Variants in ZNF454 observed in about 807,000 individuals in gnomAD.
ZNF454 encodes the protein zinc finger protein 454.
In ZNF454, 30 loss-of-function variants were observed where a neutral mutation model predicts 48.2. The ratio of observed to expected loss-of-function variants is 0.62; its 90% CI spans 0.47 to 0.84. The LOEUF (loss-of-function observed/expected upper bound fraction) is 0.84, where lower values mean the gene tolerates loss of function less well. Ranked by LOEUF, ZNF454 falls within the 40% of genes least tolerant of loss-of-function variation. The pLI, the probability that ZNF454 is intolerant of heterozygous loss-of-function variation, is 0.00. For missense variants in ZNF454, 510 were observed against 623.1 expected (o/e 0.82, Z 1.93); for synonymous variants, 204 against 211.4 (o/e 0.97, Z 0.30).
intron 4 of ZNF454, among the ~76,000 whole-genome samples, chr5:178,955,945 C>T (rs1759730252): frequency 6.6e-6 from 1 of 152,134 alleles, no homozygotes; most frequent in African/African-American, 2.4e-5. Context: ...CTGTTTTGCT[C>T]CTGTGCCATG....
At chr5:178,956,775 G>A (rs11739784) in intron 4 of ZNF454, 52,491 of 169,200 alleles carry the variant, frequency 0.31, 8,326 homozygotes, top group Admixed American at 0.36. Context: ...GCACGATCTC[G>A]GCTCACTGCA....
chr5:178,952,130 C>A (rs973027183), intron 4 of ZNF454, among the ~76,000 whole-genome samples: 1 of 151,974 alleles, frequency 6.6e-6, no homozygotes, highest in East Asian at 1.9e-4. Context: ...CTCCTCCTCC[C>A]GGGTTCACGC....
At chr5:178,951,516 C>T (rs751564764) in intron 4 of ZNF454, among the ~76,000 whole-genome samples, 73 of 152,264 alleles carry the variant, frequency 4.8e-4, no homozygotes, top group Non-Finnish European at 8.2e-4. Context: ...TTTGCTTTGC[C>T]GTTGCGTGCT....
the ZNF454 span, chr5:178,989,287 G>A: frequency 0.75 from 1,200,299 of 1,610,862 alleles, 448,766 homozygotes; most frequent in Non-Finnish European, 0.76. Context: ...GGGTGGAATC[G>A]TCTGACTGGG....
chr5:178,941,368 C>T lies in ZNF454; in HGVS notation c.-184C>T, dbSNP rs540525641. On this transcript the variant is annotated 5_prime_UTR_variant, in exon 1 of 5. Transcript: ENST00000519564. This position sits in a 1 kb window ranked among gnomAD's most constrained non-coding sequence, Gnocchi z 5.5. ...TCGTGAGGTCGTCTGGGGAGAAGGG[C>T]GGAGGCAAAGCCGAGGAGGTGCGGG... 182 of 456,492 alleles carry T rather than the reference C, an allele frequency of 4.0e-4. No homozygotes were observed. The highest frequency in any genetic ancestry group is 3.4e-3 in the African/African-American group (170 of 50,184). The allele number at this position is 456,492 out of a possible 1,614,324, so 28.3% of individuals were successfully genotyped here. A position where few individuals can be genotyped will look rare whatever the true frequency, so the allele number is the denominator to read the frequency against.
the ZNF454 span, among the ~76,000 whole-genome samples, chr5:178,974,290 T>C: frequency 6.8e-6 from 1 of 146,472 alleles, no homozygotes; most frequent in African/African-American, 2.8e-5. Context: ...TTTCTAGTGG[T>C]TGTTGTGGTT....
the ZNF454 span, among the ~76,000 whole-genome samples, chr5:178,975,012 C>T: frequency 2.6e-5 from 4 of 152,168 alleles, no homozygotes; most frequent in East Asian, 7.7e-4. Flanking sequence ...AACGACACAT[C>T]AAAAGATGTT....
At chr5:178,973,333 T>C in the ZNF454 span, among the ~76,000 whole-genome samples, 4,308 of 152,292 alleles carry the variant, frequency 0.028, 94 homozygotes, top group Middle Eastern at 0.13. Flanking sequence ...ATAATTGCTA[T>C]AATAATGTAC....
At chr5:178,945,981 G>A (rs985259695) in intron 2 of ZNF454, among the ~76,000 whole-genome samples, 17 of 152,216 alleles carry the variant, frequency 1.1e-4, no homozygotes, top group African/African-American at 3.4e-4. Flanking sequence ...CTGAGCGAGC[G>A]GTGTTGAGTG....
the ZNF454 span, chr5:178,989,047 G>A: frequency 6.2e-7 from 1 of 1,614,036 alleles, no homozygotes; most frequent in East Asian, 2.2e-5. Context: ...TGCTGTGGAG[G>A]GCGTGGGCAA....
the ZNF454 span, chr5:178,982,894 C>T: frequency 6.3e-7 from 1 of 1,598,442 alleles, no homozygotes. Context: ...GCGAGACCTC[C>T]TGGGGACCTC....
chr5:178,975,343 C>T, the ZNF454 span, among the ~76,000 whole-genome samples: 1 of 152,188 alleles, frequency 6.6e-6, no homozygotes, highest in Admixed American at 6.5e-5. Context: ...AGTATTACTC[C>T]AGTGAATGAA....
the ZNF454 span, among the ~76,000 whole-genome samples, chr5:178,972,754 G>A: frequency 1.3e-5 from 2 of 152,120 alleles, no homozygotes; most frequent in Non-Finnish European, 1.5e-5. Context: ...TGAGCCACGT[G>A]GGGGTGAGAG....
At position 178,942,675 on chromosome 5, in the gene ZNF454, C is replaced by T; in HGVS notation, c.-107-10C>T. 1 of 1,191,890 alleles carries T rather than the reference C, an allele frequency of 8.4e-7. No homozygotes were observed. Among genetic ancestry groups the T allele is most frequent in the Non-Finnish European group, 1.2e-6 (1 of 814,026 alleles). 73.8% of individuals were successfully genotyped at this position (1,191,890 alleles called of 1,614,324 possible). A position where few individuals can be genotyped will look rare whatever the true frequency, so the allele number is the denominator to read the frequency against. On this transcript the variant is annotated splice_polypyrimidine_tract_variant and intron_variant, in intron 1 of 4. Transcript: ENST00000519564. ...GTATGAGAGCTTTTGACCCAGTTCTCTCCTAATAGCAGGTGTGTGGACCCT... is the reference window on the plus strand; with the variant it reads ...GTATGAGAGCTTTTGACCCAGTTCTTTCCTAATAGCAGGTGTGTGGACCCT...
At chr5:178,973,060 C>T in the ZNF454 span, among the ~76,000 whole-genome samples, 1 of 151,416 alleles carries the variant, frequency 6.6e-6, no homozygotes, top group African/African-American at 2.4e-5. Flanking sequence ...GGCTGCAGTT[C>T]CTCTCCTTTC....
At chr5:178,943,714 CA>C (rs1561692848) in intron 2 of ZNF454, among the ~76,000 whole-genome samples, 1 of 152,168 alleles carries the variant, frequency 6.6e-6, no homozygotes, top group African/African-American at 2.4e-5. Flanking sequence ...ACGCTTTGAG[CA>C]GTCCTAGCAT....
the ZNF454 span, chr5:178,985,387 T>C: frequency 2.7e-6 from 1 of 372,862 alleles, no homozygotes; most frequent in Non-Finnish European, 5.2e-6. Flanking sequence ...GGGGAGGGGC[T>C]CCATTTCCTG....
the ZNF454 span, chr5:178,989,215 T>TCCCCCCCCCCCCCCCCCCCCCCCC: frequency 1.1e-6 from 1 of 886,718 alleles, no homozygotes; most frequent in Non-Finnish European, 1.6e-6. Context: ...CTCCCCACCC[T>TCCCCCCCCCCCCCCCCCCCCCCCC]CACCACCCTC....
intron 4 of ZNF454, among the ~76,000 whole-genome samples, chr5:178,958,979 T>C (rs1759888498): frequency 6.6e-6 from 1 of 151,918 alleles, no homozygotes; most frequent in East Asian, 1.9e-4. Flanking sequence ...ATCTGATAAA[T>C]AGAAATTCTG....
Sources: gnomAD v4.1 joint callset for allele counts (sites outside exome capture counted in the v4.1 genomes callset) on GRCh38, gnomAD v4.1.1 for gene constraint, Gnocchi (gnomAD v3.1) non-coding constraint, MANE v1.5 for transcripts, NCBI Gene and HGNC (gene_info 2026-07-23, HGNC 2026-07-21) for gene names.